CDC25B: variants seen among roughly 807,000 people sequenced by gnomAD.
The protein encoded by CDC25B is cell division cycle 25B.
Under a neutral mutation model 69.8 loss-of-function variants are expected in CDC25B, and 33 were observed. That is an observed-to-expected ratio of 0.47 (90% CI 0.36 to 0.63). The LOEUF is 0.63. Among genes scored for constraint, CDC25B ranks in the 30% least tolerant of loss-of-function variants. The probability of loss-of-function intolerance (pLI) is 0.00; values close to 1 mark genes in which losing one functional copy is unlikely to be tolerated. For synonymous variants in CDC25B, 341 were observed against 314.6 expected, an observed-to-expected ratio of 1.08 and a Z score of -0.89; for missense variants, 727 against 809.1, an observed-to-expected ratio of 0.90 and a Z score of 1.23.
At chr20:3,788,777 C>G (rs1448684071) in intron 1 of CDC25B, among the ~76,000 whole-genome samples, 1 of 150,480 alleles carries the variant, frequency 6.6e-6, no homozygotes, top group East Asian at 1.9e-4. Flanking sequence ...TTCTTTCTTT[C>G]TCTTTCTCTC....
At position 3,803,631 on chromosome 20, in the gene CDC25B, C is replaced by A; in HGVS notation, c.1490+94C>A. The A allele has an allele frequency of 6.6e-7, 1 of 1,509,728 alleles. No individual in the cohort carries two copies. The highest frequency in any genetic ancestry group is 9.1e-7 in the Non-Finnish European group (1 of 1,100,240). The allele number at this position is 1,509,728 out of a possible 1,614,324, so 93.5% of individuals were successfully genotyped here. On this transcript the variant is annotated intron_variant, in intron 14 of 15. Transcript: ENST00000245960. This position sits in a 1 kb window ranked among gnomAD's most constrained non-coding sequence, Gnocchi z 4.9. Reference sequence around the variant, plus strand: ...GGCACCATTGAGATGGCCAGGGGTGCAAGTCCAGGTCCTCCTCTGTCCCAT... The same window carrying A: ...GGCACCATTGAGATGGCCAGGGGTGAAAGTCCAGGTCCTCCTCTGTCCCAT...
upstream of CDC25B, among the ~76,000 whole-genome samples, chr20:3,795,527 C>T (rs956649395): frequency 2.0e-5 from 3 of 152,240 alleles, no homozygotes; most frequent in Admixed American, 6.5e-5. Flanking sequence ...ACTTAATTCG[C>T]CTCTCTGGTT....
chr20:3,802,709 A>T, intron 11 of CDC25B: 5 of 612,430 alleles, frequency 8.2e-6, no homozygotes, highest in Admixed American at 5.8e-5. Context: ...TCCCTTTTTC[A>T]TTTCTCTTTC....
chr20:3,801,091 A>T lies in CDC25B; in HGVS notation c.703A>T (p.Met235Leu), dbSNP rs1275572437. Residue 235 changes from methionine to leucine, a missense_variant and splice_region_variant, in exon 7 of 16, where the codon ATG (methionine) becomes TTG (leucine). Transcript: ENST00000245960. ...AQRPSSAPDL[M>L]CLSPDRKMEV... ...GAGACCCAGCTCGGCCCCCGACCTGATGGTACATCCAGAGAGCGGATCCCT... is the reference window on the plus strand; with the variant it reads ...GAGACCCAGCTCGGCCCCCGACCTGTTGGTACATCCAGAGAGCGGATCCCT... 6.2e-7 allele frequency: 1 copy of T among 1,613,962 alleles called. No homozygotes were observed.
chr20:3,798,827 A>G (rs1345073112), intron 3 of CDC25B, among the ~76,000 whole-genome samples: 1 of 152,190 alleles, frequency 6.6e-6, no homozygotes, highest in East Asian at 1.9e-4. Context: ...AAATATTACA[A>G]TTTAAAAATA....
upstream of CDC25B, among the ~76,000 whole-genome samples, chr20:3,791,881 G>A (rs1485272476): frequency 2.6e-5 from 4 of 152,182 alleles, no homozygotes; most frequent in Non-Finnish European, 5.9e-5. Flanking sequence ...CAAGTAAGAA[G>A]AAGAAAGGTA....
At chr20:3,795,958 C>T (rs1465866422), upstream of CDC25B, 2 of 987,544 alleles carry the variant, frequency 2.0e-6, no homozygotes. Flanking sequence ...GTTGGAGCCT[C>T]TCCCCATCCC....
rs779281413 is a variant in CDC25B, at chr20:3,804,802, C to G, written c.1603-19C>G. ...AACTTACCCATTCCACTGCATTGACCCCTCCTGTCCTGCCCTAGAACTTCT... is the reference window on the plus strand; with the variant it reads ...AACTTACCCATTCCACTGCATTGACGCCTCCTGTCCTGCCCTAGAACTTCT... On this transcript the variant is annotated intron_variant, in intron 15 of 15. Transcript: ENST00000245960. 2 of 1,613,862 alleles carry G rather than the reference C, an allele frequency of 1.2e-6. No individual in the cohort carries two copies. Among genetic ancestry groups the G allele is most frequent in the Admixed American group, 3.3e-5 (2 of 60,006 alleles).
chr20:3,800,489 G>T lies in CDC25B; in HGVS notation c.450G>T (p.Gln150His), dbSNP rs61755298. Residue 150 changes from glutamine to histidine, a missense_variant, in exon 5 of 16, where the codon CAG (glutamine) becomes CAT (histidine). Transcript: ENST00000245960. The part of the protein sequence containing the change: ...RNEQFAIRRF[Q>H]SMPVRLLGHS... Reference sequence around the variant, plus strand: ...AGCAGTTTGCCATCAGACGCTTCCAGTCTATGCCGGTGAGTGTCTTCGAGG... The same window carrying T: ...AGCAGTTTGCCATCAGACGCTTCCATTCTATGCCGGTGAGTGTCTTCGAGG... 6 of 1,614,116 alleles carry T rather than the reference G, an allele frequency of 3.7e-6. No homozygotes were observed. In the Admixed American group the frequency reaches 1.0e-4, roughly 27 times the overall value.
In CDC25B at chr20:3,802,974, T is replaced by TA. The variant is rs746540456; in HGVS notation, c.1257+5dup. ...CTCAAGTACATCTCACCAGAAACGG[T>TA]AAACAGCGTTGCGTCATTTTCTAGG... On this transcript the variant is annotated splice_region_variant and intron_variant, in intron 12 of 15. Transcript: ENST00000245960. 7.4e-6 allele frequency: 12 copies of TA among 1,613,250 alleles called. No homozygotes were observed. Among genetic ancestry groups the TA allele is most frequent in the Middle Eastern group, 1.6e-4 (1 of 6,084 alleles).
At position 3,803,395 on chromosome 20, in the gene CDC25B, C is replaced by G; in HGVS notation, c.1357-9C>G. On this transcript the variant is annotated splice_polypyrimidine_tract_variant and intron_variant, in intron 13 of 15. Coordinates refer to ENST00000245960, the MANE Select transcript of CDC25B (RefSeq NM_021873.4). This position sits in a 1 kb window ranked among gnomAD's most constrained non-coding sequence, Gnocchi z 4.9. Reference sequence around the variant, plus strand: ...CGGGGCTGTGCCTGACCTCTGGCTCCTCTGACAGACTGCGGTGAACTTGCC... The same window carrying G: ...CGGGGCTGTGCCTGACCTCTGGCTCGTCTGACAGACTGCGGTGAACTTGCC... 1 of 1,614,086 alleles carries G rather than the reference C, an allele frequency of 6.2e-7. No homozygotes were observed. Among genetic ancestry groups the G allele is most frequent in the Non-Finnish European group, 8.5e-7 (1 of 1,179,992 alleles).
upstream of CDC25B, among the ~76,000 whole-genome samples, chr20:3,795,084 G>A (rs976946026): frequency 3.9e-5 from 6 of 152,192 alleles, no homozygotes; most frequent in Non-Finnish European, 5.9e-5. Flanking sequence ...AAGATGGGCC[G>A]GGCACAGTGG....
chr20:3,804,709 C>G (rs1568513733), intron 15 of CDC25B, 29 bp downstream of exon 15: 2 of 1,368,848 alleles, frequency 1.5e-6, no homozygotes, highest in African/African-American at 1.6e-5. Context: ...GCCACAGTCT[C>G]TGTGTGAGGG....
upstream of CDC25B, among the ~76,000 whole-genome samples, chr20:3,792,945 A>G (rs1254229883): frequency 1.3e-5 from 2 of 152,254 alleles, no homozygotes; most frequent in Non-Finnish European, 2.9e-5. Context: ...TGCCAGCACT[A>G]TTGAGCCCTT....
At chr20:3,788,178 CTT>C (rs2088856964) in intron 1 of CDC25B, among the ~76,000 whole-genome samples, 1 of 145,536 alleles carries the variant, frequency 6.9e-6, no homozygotes, top group Non-Finnish European at 1.5e-5. Context: ...AATAGAGACT[CTT>C]GAAGTGGAGG....
rs753080001 is a variant in CDC25B, at chr20:3,804,903, G to A, written c.1685G>A (p.Arg562His). 4 of 1,614,038 alleles carry A rather than the reference G, an allele frequency of 2.5e-6. No homozygotes were observed. Among genetic ancestry groups the A allele is most frequent in the South Asian group, 1.1e-5 (1 of 91,086 alleles). Residue 562 changes from arginine to histidine, a missense_variant, in exon 16 of 16, where the codon CGC becomes CAC. Physicochemically the swap from Arg to His is conservative, Grantham distance 29 (BLOSUM62 0). Coordinates refer to ENST00000245960, the MANE Select transcript of CDC25B (RefSeq NM_021873.4). ...DELKTFRLKT[R>H]SWAGERSRRE... ...CTAAAGACCTTCCGCCTCAAGACTC[G>A]CAGCTGGGCTGGGGAGCGGAGCCGG...
At position 3,796,566 on chromosome 20, in the gene CDC25B, C is replaced by T. The variant is rs1000681217; in HGVS notation, c.35C>T (p.Ser12Leu). ...CCCCAGCCGGAGCCCGCGCCAGGCT[C>T]GGCTCTCAGTCCAGCAGGCGTGTGC... ...EVPQPEPAPG[S>L]ALSPAGVCGG... The change falls in exon 1 of 16, where the codon TCG (serine) becomes TTG (leucine). Residue 12 changes from serine (S) to leucine (L), a missense_variant. By Grantham distance (145) the Ser-to-Leu change is moderately radical (BLOSUM62 -2). This residue lies in a region of CDC25B where 368 missense variants were observed against 345.6 expected (regional missense o/e 1.06). Coordinates refer to ENST00000245960, the MANE Select transcript of CDC25B (RefSeq NM_021873.4). The T allele has an allele frequency of 4.7e-6, 7 of 1,474,786 alleles. No individual in the cohort carries two copies. The Middle Eastern group carries it at 9.5e-4, about 201-fold the overall frequency. The allele number at this position is 1,474,786 out of a possible 1,614,324, so 91.4% of individuals were successfully genotyped here.
intron 1 of CDC25B, among the ~76,000 whole-genome samples, chr20:3,790,004 T>C (rs2088887484): frequency 1.3e-5 from 2 of 151,246 alleles, no homozygotes; most frequent in Non-Finnish European, 3.0e-5. Flanking sequence ...AAAAAAAAAT[T>C]AGCTAGGCAT....
upstream of CDC25B, among the ~76,000 whole-genome samples, chr20:3,794,469 G>A (rs2088975003): frequency 7.5e-6 from 1 of 133,554 alleles, no homozygotes; most frequent in African/African-American, 2.7e-5. Context: ...TGGGGGGTGG[G>A]GGGGATACCT....
Sources: gnomAD v4.1 joint callset for allele counts (sites outside exome capture counted in the v4.1 genomes callset) on GRCh38, gnomAD v4.1.1 for gene constraint, gnomAD v4.1.1 regional missense constraint, Gnocchi (gnomAD v3.1) non-coding constraint, MANE v1.5 for transcripts, NCBI Gene and HGNC (gene_info 2026-07-23, HGNC 2026-07-21) for gene names.